The following GALNT13 variants were observed in gnomAD, a reference collection of about 807,000 sequenced individuals.
GALNT13 encodes the protein polypeptide N-acetylgalactosaminyltransferase 13.
A neutral mutation model predicts 64.2 loss-of-function variants in GALNT13; 28 were observed. The observed-to-expected ratio is 0.44, with a 90% CI of 0.32 to 0.60. The LOEUF is 0.60. GALNT13 is among the 20% of genes least tolerant of loss of function. The probability of loss-of-function intolerance (pLI) is 0.05; values close to 1 mark genes in which losing one functional copy is unlikely to be tolerated. For synonymous variants in GALNT13, 214 were observed against 224.6 expected (o/e 0.95, Z 0.42); for missense variants, 577 against 669.8 (o/e 0.86, Z 1.53).
chr2:154,010,262 T>C (rs552792010), intron 3 of GALNT13, among the ~76,000 whole-genome samples: 48 of 152,326 alleles, frequency 3.2e-4, no homozygotes, highest in African/African-American at 1.1e-3. Flanking sequence ...TGATGTATGT[T>C]GCTTCAATGC....
chr2:153,599,351 A>G, the GALNT13 span, among the ~76,000 whole-genome samples: 21 of 152,164 alleles, frequency 1.4e-4, no homozygotes, highest in South Asian at 1.2e-3. Context: ...ATCTAACTGT[A>G]TAATTGTACC....
the GALNT13 span, among the ~76,000 whole-genome samples, chr2:153,197,693 T>C: frequency 4.6e-5 from 7 of 152,146 alleles, no homozygotes; most frequent in Admixed American, 3.9e-4. Flanking sequence ...GGAAACCCTG[T>C]TTTCAGCACG....
chr2:154,188,026 C>G (rs1686358710), intron 4 of GALNT13, among the ~76,000 whole-genome samples: 1 of 151,710 alleles, frequency 6.6e-6, no homozygotes, highest in Admixed American at 6.6e-5. Context: ...CTCTCTCTCT[C>G]TCTCTCTCTC....
At chr2:153,803,564 C>T in the GALNT13 span, among the ~76,000 whole-genome samples, 3 of 151,568 alleles carry the variant, frequency 2.0e-5, no homozygotes, top group South Asian at 2.1e-4. Context: ...CTGTGGCGGG[C>T]GCCTGTAGTC....
the GALNT13 span, among the ~76,000 whole-genome samples, chr2:153,071,718 C>A: frequency 6.6e-6 from 1 of 152,178 alleles, no homozygotes; most frequent in African/African-American, 2.4e-5. Flanking sequence ...GAAATTATTT[C>A]TTGACAGAGG....
chr2:154,380,025 A>T (rs1453381010), intron 9 of GALNT13, among the ~76,000 whole-genome samples: 1 of 152,110 alleles, frequency 6.6e-6, no homozygotes, highest in East Asian at 1.9e-4. Flanking sequence ...ATGTCTAAAA[A>T]TTCAAAAAGT....
the GALNT13 span, among the ~76,000 whole-genome samples, chr2:153,315,558 C>G: frequency 1.3e-5 from 2 of 152,068 alleles, no homozygotes; most frequent in African/African-American, 4.8e-5. Context: ...GTTTACAAAA[C>G]TAAAAAGATA....
At chr2:153,669,737 C>G in the GALNT13 span, among the ~76,000 whole-genome samples, 1 of 152,092 alleles carries the variant, frequency 6.6e-6, no homozygotes, top group Non-Finnish European at 1.5e-5. Context: ...CCAGGAAGCA[C>G]AAGGGGACAG....
chr2:153,696,459 C>G, the GALNT13 span, among the ~76,000 whole-genome samples: 2 of 152,132 alleles, frequency 1.3e-5, no homozygotes. Flanking sequence ...TACCTGGGAA[C>G]AATACATTGT....
chr2:154,349,287 CATGAAATGTGGAT>C (rs1696251966), intron 9 of GALNT13, among the ~76,000 whole-genome samples: 1 of 152,086 alleles, frequency 6.6e-6, no homozygotes, highest in South Asian at 2.1e-4. Context: ...TTTTCCTATC[CATGAAATGTGGAT>C]AAAATACAAC....
At chr2:154,149,683 G>A (rs1255739882) in intron 4 of GALNT13, among the ~76,000 whole-genome samples, 3 of 152,104 alleles carry the variant, frequency 2.0e-5, no homozygotes, top group Admixed American at 6.5e-5. Context: ...TATTCTGTTT[G>A]AAGCAATTGT....
chr2:154,405,782 A>G (rs1699506900), intron 10 of GALNT13, among the ~76,000 whole-genome samples: 1 of 152,038 alleles, frequency 6.6e-6, no homozygotes, highest in South Asian at 2.1e-4. Context: ...ATATTGTGAA[A>G]AGGAACACTA....
chr2:153,949,976 A>G (rs533173231), intron 3 of GALNT13, among the ~76,000 whole-genome samples: 4 of 152,224 alleles, frequency 2.6e-5, no homozygotes, highest in South Asian at 2.1e-4. Context: ...CTTAAATGTC[A>G]AAAACAAAAT....
At chr2:153,397,514 A>T in the GALNT13 span, among the ~76,000 whole-genome samples, 2 of 152,058 alleles carry the variant, frequency 1.3e-5, no homozygotes, top group African/African-American at 4.8e-5. Context: ...AGTCTAGAGA[A>T]AGATTTATCT....
intron 3 of GALNT13, among the ~76,000 whole-genome samples, chr2:154,095,820 AT>A (rs1469100218): frequency 6.6e-6 from 1 of 151,918 alleles, no homozygotes; most frequent in African/African-American, 2.4e-5. Flanking sequence ...ATTTTGTCCT[AT>A]GTTAAAGATG....
the GALNT13 span, among the ~76,000 whole-genome samples, chr2:153,597,883 G>C: frequency 1.5e-4 from 23 of 151,970 alleles, no homozygotes; most frequent in African/African-American, 5.3e-4. Flanking sequence ...TAAATAATGA[G>C]ATATAACTTT....
chr2:153,650,293 C>T, the GALNT13 span, among the ~76,000 whole-genome samples: 2 of 151,806 alleles, frequency 1.3e-5, no homozygotes, highest in Non-Finnish European at 2.9e-5. Context: ...CAACCCCTGC[C>T]TTTTTTTGTT....
At chr2:153,072,545 C>T in the GALNT13 span, among the ~76,000 whole-genome samples, 1 of 152,170 alleles carries the variant, frequency 6.6e-6, no homozygotes, top group African/African-American at 2.4e-5. Flanking sequence ...GCTATAAATC[C>T]TTATGCCTTT....
the GALNT13 span, among the ~76,000 whole-genome samples, chr2:153,853,758 A>G: frequency 6.7e-6 from 1 of 150,192 alleles, no homozygotes. Context: ...ATAATTATAC[A>G]ATTATATAAA....
Sources: gnomAD v4.1 joint callset for allele counts (sites outside exome capture counted in the v4.1 genomes callset) on GRCh38, gnomAD v4.1.1 for gene constraint, MANE v1.5 for transcripts, NCBI Gene and HGNC (gene_info 2026-07-23, HGNC 2026-07-21) for gene names.